PRKN: variants seen among roughly 807,000 people sequenced by gnomAD.
PRKN encodes the protein parkin RBR E3 ubiquitin protein ligase.
In PRKN, 56 loss-of-function variants were observed where a neutral mutation model predicts 59.5. The ratio of observed to expected loss-of-function variants is 0.94; its 90% CI spans 0.76 to 1.18. PRKN has a LOEUF of 1.18. Among genes scored for constraint, PRKN ranks in the 50% most tolerant of loss-of-function variants. The pLI, the probability that PRKN is intolerant of heterozygous loss-of-function variation, is 0.00. For missense variants in PRKN, 657 were observed against 596.4 expected, an observed-to-expected ratio of 1.10 and a Z score of -1.06; for synonymous variants, 250 against 222.1, an observed-to-expected ratio of 1.13 and a Z score of -1.12.
chr6:162,556,713 C>T (rs1779617774), intron 1 of PRKN, among the ~76,000 whole-genome samples: 1 of 145,766 alleles, frequency 6.9e-6, no homozygotes, highest in Non-Finnish European at 1.5e-5. Flanking sequence ...CACCACTGCA[C>T]TCCAACCAGG....
rs370019865 is a variant in PRKN, at chr6:161,405,050, T to C, written c.1084-18173A>G. 6.6e-6 allele frequency among the ~76,000 whole-genome samples: 1 copy of C among 152,224 alleles called. No individual in the cohort carries two copies. Among genetic ancestry groups the C allele is most frequent in the African/African-American group, 2.4e-5 (1 of 41,448 alleles). Reference sequence around the variant, plus strand: ...ATTGAAGGCAGGAAGATAGACTAAATGATAACATTGCTTCCCACCTTCTCC... The same window carrying C: ...ATTGAAGGCAGGAAGATAGACTAAACGATAACATTGCTTCCCACCTTCTCC... On this transcript the variant is annotated intron_variant, in intron 9 of 11. Coordinates refer to ENST00000366898, the MANE Select transcript of PRKN (RefSeq NM_004562.3). This position sits in a 1 kb window ranked among gnomAD's most constrained non-coding sequence, Gnocchi z 5.1.
chr6:161,848,746 G>T (rs950389989), intron 6 of PRKN, among the ~76,000 whole-genome samples: 1 of 152,166 alleles, frequency 6.6e-6, no homozygotes, highest in East Asian at 1.9e-4. Context: ...GATGGTTTTG[G>T]TGTTTCCGAA....
chr6:161,546,127 G>A lies in PRKN; in HGVS notation c.1083+2727C>T, dbSNP rs1281316378. On this transcript the variant is annotated intron_variant, in intron 9 of 11. Coordinates refer to ENST00000366898, the MANE Select transcript of PRKN (RefSeq NM_004562.3). This position sits in a 1 kb window ranked among gnomAD's most constrained non-coding sequence, Gnocchi z 4.4. Reference sequence around the variant, plus strand: ...CCTTGAATGTTGGGTTTTTGGGTGAGCTTTGGATAAATATTCATTAAGCTT... The same window carrying A: ...CCTTGAATGTTGGGTTTTTGGGTGAACTTTGGATAAATATTCATTAAGCTT... Among the ~76,000 whole-genome samples the A allele has an allele frequency of 6.6e-6, 1 of 152,126 alleles. No individual in the cohort carries two copies. The highest frequency in any genetic ancestry group is 2.4e-5 in the African/African-American group (1 of 41,416).
At chr6:162,039,278 C>G (rs1421948191) in intron 5 of PRKN, among the ~76,000 whole-genome samples, 1 of 152,158 alleles carries the variant, frequency 6.6e-6, no homozygotes, top group Non-Finnish European at 1.5e-5. Context: ...TCACATAACT[C>G]TACTTCGGAT....
chr6:161,996,494 C>A (rs1394417727), intron 5 of PRKN, among the ~76,000 whole-genome samples: 1 of 151,810 alleles, frequency 6.6e-6, no homozygotes, highest in Non-Finnish European at 1.5e-5. Flanking sequence ...AAAAATAATA[C>A]TGTAATCTCT....
intron 6 of PRKN, among the ~76,000 whole-genome samples, chr6:161,803,464 C>T (rs1282517213): frequency 2.0e-5 from 3 of 152,170 alleles, no homozygotes; most frequent in African/African-American, 7.2e-5. Context: ...CTTCTGAATT[C>T]CTGCCTTTCA....
At chr6:162,547,987 C>G (rs1779183479) in intron 1 of PRKN, among the ~76,000 whole-genome samples, 1 of 152,172 alleles carries the variant, frequency 6.6e-6, no homozygotes, top group Non-Finnish European at 1.5e-5. Context: ...ACAAAGTCAG[C>G]AGGGATCGAG....
At chr6:162,005,522 C>CTA (rs1274956652) in intron 5 of PRKN, among the ~76,000 whole-genome samples, 3 of 151,154 alleles carry the variant, frequency 2.0e-5, no homozygotes, top group African/African-American at 7.3e-5. Context: ...CTCTCTCTCT[C>CTA]TGTCTCTGCA....
At chr6:162,568,637 A>T in intron 1 of PRKN, 1 of 930,974 alleles carries the variant, frequency 1.1e-6, no homozygotes, top group South Asian at 1.3e-5. Flanking sequence ...TAGGCAAGGT[A>T]CGGTTCCTGG....
At chr6:161,381,370 C>A (rs1016152681) in intron 10 of PRKN, among the ~76,000 whole-genome samples, 3 of 152,174 alleles carry the variant, frequency 2.0e-5, no homozygotes, top group Non-Finnish European at 4.4e-5. Flanking sequence ...CAACTCTATG[C>A]CCCTGGGTGG....
chr6:162,723,134 G>A (rs1290209430), intron 1 of PRKN, among the ~76,000 whole-genome samples: 2 of 152,058 alleles, frequency 1.3e-5, no homozygotes, highest in African/African-American at 2.4e-5. Context: ...TGGTGAAGTC[G>A]GAATATACAT....
intron 1 of PRKN, chr6:162,568,739 C>T: frequency 1.3e-6 from 1 of 754,574 alleles, no homozygotes; most frequent in Non-Finnish European, 2.4e-6. Flanking sequence ...TCAAGAGCTA[C>T]ATCAACAACC....
At chr6:162,610,096 A>C (rs548406624) in intron 1 of PRKN, among the ~76,000 whole-genome samples, 94 of 152,334 alleles carry the variant, frequency 6.2e-4, no homozygotes, top group African/African-American at 2.2e-3. Flanking sequence ...CAAAGCTCAT[A>C]TTTACATAGC....
chr6:162,195,557 C>T (rs182462851), intron 4 of PRKN, among the ~76,000 whole-genome samples: 50 of 152,342 alleles, frequency 3.3e-4, no homozygotes, highest in African/African-American at 1.2e-3. Flanking sequence ...TCATGCCAGG[C>T]ACTTTACATC....
Position 162,315,667 on chromosome 6 carries a change from C to T in PRKN, c.172-52902G>A, listed in dbSNP as rs181042400. Among the ~76,000 whole-genome samples, 254 of 152,206 alleles carry T rather than the reference C, an allele frequency of 1.7e-3. 1 individual carries two copies. The highest frequency in any genetic ancestry group is 3.5e-3 in the Admixed American group (53 of 15,288). ...CACTACCCACAAAAAAGGTAGCCAA[C>T]GTATTTTGATGTTTGACTTCTGCAA... On this transcript the variant is annotated intron_variant, in intron 2 of 11. Transcript: ENST00000366898.
chr6:162,339,346 G>C (rs1181264017), intron 2 of PRKN, among the ~76,000 whole-genome samples: 3 of 145,482 alleles, frequency 2.1e-5, no homozygotes, highest in African/African-American at 7.6e-5. Flanking sequence ...AGGTGGGGGG[G>C]TCAGCCCCCG....
At chr6:161,690,323 G>A (rs1180080781) in intron 7 of PRKN, among the ~76,000 whole-genome samples, 1 of 152,100 alleles carries the variant, frequency 6.6e-6, no homozygotes, top group Admixed American at 6.5e-5. Flanking sequence ...AGGACAGCAG[G>A]GATTTACAAT....
intron 4 of PRKN, among the ~76,000 whole-genome samples, chr6:162,122,942 T>A (rs1163191979): frequency 6.6e-6 from 1 of 151,586 alleles, no homozygotes; most frequent in Non-Finnish European, 1.5e-5. Flanking sequence ...AGCTCTGGGC[T>A]CTGCTGGTTT....
In PRKN at chr6:161,391,387, G is replaced by A. The variant is rs9346851; in HGVS notation, c.1084-4510C>T. Among the ~76,000 whole-genome samples the A allele has an allele frequency of 0.22, 33,872 of 151,574 alleles. 3,921 individuals are homozygous for A. The highest frequency in any genetic ancestry group is 0.29 in the South Asian group (1,395 of 4,804). ...TTATACCGTATACATTTTCAGGATT[G>A]TCTTCTCTTGTGGTGGATCTAACAA... On this transcript the variant is annotated intron_variant, in intron 9 of 11. Transcript: ENST00000366898. The surrounding 1 kb of genome is among the most constrained non-coding windows in gnomAD (Gnocchi z 4.9).
Sources: gnomAD v4.1 joint callset for allele counts (sites outside exome capture counted in the v4.1 genomes callset) on GRCh38, gnomAD v4.1.1 for gene constraint, Gnocchi (gnomAD v3.1) non-coding constraint, MANE v1.5 for transcripts, NCBI Gene and HGNC (gene_info 2026-07-23, HGNC 2026-07-21) for gene names.